CEL: variants seen among roughly 807,000 people sequenced by gnomAD.
CEL encodes the protein carboxyl ester lipase, also known as bile salt-activated lipase.
Under a neutral mutation model 57.1 loss-of-function variants are expected in CEL, and 39 were observed. The ratio of observed to expected loss-of-function variants is 0.68; its 90% confidence interval spans 0.53 to 0.89. The LOEUF (loss-of-function observed/expected upper bound fraction) is 0.89, where lower values mean the gene tolerates loss of function less well. Among genes scored for constraint, CEL ranks in the 40% least tolerant of loss-of-function variants. The probability of loss-of-function intolerance (pLI) is 0.00; values close to 1 mark genes in which losing one functional copy is unlikely to be tolerated. For missense variants in CEL, 698 were observed against 915.0 expected (o/e 0.76, Z 3.06); for synonymous variants, 314 against 396.6 (o/e 0.79, Z 2.48).
At chr9:133,070,688 G>A (rs1299290237) in intron 10 of CEL, 30 bp downstream of exon 10, 2 of 1,613,680 alleles carry the variant, frequency 1.2e-6, no homozygotes, top group African/African-American at 2.7e-5. Context: ...CAGGGCGGAG[G>A]GCCACAGCCG....
In CEL at chr9:133,071,598, G is replaced by C. The variant is rs1247728806; in HGVS notation, c.2096G>C (p.Gly699Ala). The change falls in exon 11 of 11, where the codon GGG becomes GCG. Residue 699 changes from glycine to alanine, a missense_variant. Around this residue, in one of 6 missense-constraint regions of CEL, gnomAD observed 238 missense variants for 213.7 expected, o/e 1.11. Transcript: ENST00000372080. ...CCCGTGCCGCCCACGGGTGACTCCG[G>C]GGCCCCCCCCGTGACCCCCACGGGT... ...APPVPPTGDS[G>A]APPVTPTGDS... 2.2e-6 allele frequency: 3 copies of C among 1,346,774 alleles called. No homozygotes were observed. Among genetic ancestry groups the C allele is most frequent in the Admixed American group, 2.2e-5 (1 of 44,682 alleles). The allele number at this position is 1,346,774 out of a possible 1,614,324, so 83.4% of individuals were successfully genotyped here.
At position 133,068,614 on chromosome 9, in the gene CEL, G is replaced by A. The variant is rs150986867; in HGVS notation, c.896-58G>A. On this transcript the variant is annotated intron_variant, in intron 7 of 10. Transcript: ENST00000372080. ...ATTCCAGCCCTGAGAGGCAAGGGGC[G>A]GCTCAGGGGAAACTGGGAGGTACAA... is the stretch of plus-strand genomic sequence containing the variant. 0.05 allele frequency: 80,606 copies of A among 1,605,442 alleles called. 1,619 individuals carry two copies. Among genetic ancestry groups the A allele is most frequent in the Non-Finnish European group, 0.058 (67,617 of 1,173,276 alleles).
At position 133,066,512 on chromosome 9, in the gene CEL, C is replaced by T. The variant is rs772396574; in HGVS notation, c.539-18C>T. The T allele has an allele frequency of 2.5e-6, 4 of 1,613,832 alleles. No homozygotes were observed. The South Asian group carries it at 3.3e-5, about 13-fold the overall frequency. On this transcript the variant is annotated intron_variant, in intron 4 of 10. Transcript: ENST00000372080. This position sits in a 1 kb window ranked among gnomAD's most constrained non-coding sequence, Gnocchi z 4.3. ...GGGCCACTGGTCTCTAGCACCCCCTCCCCTGCCCTGCCCCCAGGTAACTAT... is the reference window on the plus strand; with the variant it reads ...GGGCCACTGGTCTCTAGCACCCCCTTCCCTGCCCTGCCCCCAGGTAACTAT...
Position 133,071,274 on chromosome 9 carries a change from C to A in CEL, c.1772C>A (p.Pro591His), listed in dbSNP as rs1830263587. The A allele has an allele frequency of 1.3e-6, 2 of 1,487,246 alleles. No individual in the cohort carries two copies. The highest frequency in any genetic ancestry group is 1.2e-5 in the South Asian group (1 of 82,636). The allele number at this position is 1,487,246 out of a possible 1,614,324, so 92.1% of individuals were successfully genotyped here. A position where few individuals can be genotyped will look rare whatever the true frequency, so the allele number is the denominator to read the frequency against. ...CCGCCCACGGGTGACTCCGGGGCCC[C>A]CCCCGTGCCGCCCACGGGTGACTCC... is the stretch of plus-strand genomic sequence containing the variant. ...PVPPTGDSGA[P>H]PVPPTGDSGA... Residue 591 changes from proline (P) to histidine (H), a missense_variant, in exon 11 of 11, where the codon CCC becomes CAC. Coordinates refer to ENST00000372080, the MANE Select transcript of CEL (RefSeq NM_001807.6).
chr9:133,070,555 T>C lies in CEL; in HGVS notation c.1381T>C (p.Tyr461His), dbSNP rs763199808. 1.2e-6 allele frequency: 2 copies of C among 1,614,066 alleles called. No individual in the cohort carries two copies. The highest frequency in any genetic ancestry group is 4.5e-5 in the East Asian group (2 of 44,866). Residue 461 changes from tyrosine to histidine, a missense_variant, in exon 10 of 11, where the codon TAC (tyrosine) becomes CAC (histidine). Tyr to His is a moderately conservative substitution (Grantham distance 83). Transcript: ENST00000372080. ...GGCCGACCATGCAGATGACATTCAG[T>C]ACGTTTTCGGGAAGCCCTTCGCCAC... Reference protein sequence around the residue: ...VGADHADDIQYVFGKPFATPT... With the variant: ...VGADHADDIQHVFGKPFATPT...
In CEL at chr9:133,066,872, G is replaced by A. The variant is rs748131218; in HGVS notation, c.704G>A (p.Arg235Gln). 4.3e-6 allele frequency: 7 copies of A among 1,612,336 alleles called. No homozygotes were observed. Among genetic ancestry groups the A allele is most frequent in the East Asian group, 2.2e-5 (1 of 44,786 alleles). The change falls in exon 6 of 11, where the codon CGA becomes CAA. Residue 235 changes from arginine (R) to glutamine (Q), a missense_variant. Physicochemically the swap from Arg to Gln is conservative, Grantham distance 43. Coordinates refer to ENST00000372080, the MANE Select transcript of CEL (RefSeq NM_001807.6). The surrounding 1 kb of genome is among the most constrained non-coding windows in gnomAD (Gnocchi z 4.3). ...CCCTACAACAAGGGCCTCATCCGGC[G>A]AGCCATCAGCCAGAGCGGCGTGGCC... ...LSPYNKGLIR[R>Q]AISQSGVALS...
rs191051666 is a variant in CEL at position 133,065,795 on chromosome 9, G to A, written c.538+558G>A. On this transcript the variant is annotated intron_variant, in intron 4 of 10. Coordinates refer to ENST00000372080, the MANE Select transcript of CEL (RefSeq NM_001807.6). ...CAGGAGGCGGAGGTTGCGGTGAGCC[G>A]AGATCATGCCACTGCACTCCAGCCT... Among the ~76,000 whole-genome samples the A allele has an allele frequency of 5.0e-3, 734 of 146,436 alleles. 4 individuals are homozygous for A. The highest frequency in any genetic ancestry group is 0.014 in the South Asian group (65 of 4,716).
chr9:133,071,128 G>C lies in CEL; in HGVS notation c.1626G>C (p.Trp542Cys). ...RSLRTNFLRY[W>C]TLTYLALPTV... ...TGAGAACCAACTTCCTGCGCTACTG[G>C]ACCCTCACCTATCTGGCGCTGCCCA... is the stretch of plus-strand genomic sequence containing the variant. Residue 542 changes from tryptophan (W) to cysteine (C), a missense_variant, in exon 11 of 11, where the codon TGG becomes TGC. Trp to Cys is a radical substitution (Grantham distance 215). Transcript: ENST00000372080. 6.2e-7 allele frequency: 1 copy of C among 1,609,456 alleles called. No individual in the cohort carries two copies. The highest frequency in any genetic ancestry group is 8.5e-7 in the Non-Finnish European group (1 of 1,179,682).
Position 133,066,960 on chromosome 9 carries a change from G to C in CEL, c.777+15G>C. On this transcript the variant is annotated intron_variant, in intron 6 of 10. Transcript: ENST00000372080. This position sits in a 1 kb window ranked among gnomAD's most constrained non-coding sequence, Gnocchi z 4.3. ...GGGCCAAAAAGGTAAACGGAGGAGG[G>C]CAGGGCTGGGCGGGGTGGGGGCTGT... The C allele has an allele frequency of 2.1e-6, 3 of 1,400,588 alleles. No individual in the cohort carries two copies. Among genetic ancestry groups the C allele is most frequent in the Non-Finnish European group, 3.0e-6 (3 of 989,072 alleles). 86.8% of individuals were successfully genotyped at this position (1,400,588 alleles called of 1,614,324 possible). A position where few individuals can be genotyped will look rare whatever the true frequency, so the allele number is the denominator to read the frequency against.
rs781209116 is a variant in CEL at position 133,066,933 on chromosome 9, C to A, written c.765C>A (p.Phe255Leu). The A allele has an allele frequency of 8.0e-7, 1 of 1,243,562 alleles. No individual in the cohort carries two copies. Among genetic ancestry groups the A allele is most frequent in the South Asian group, 1.2e-5 (1 of 85,066 alleles). 77.0% of individuals were successfully genotyped at this position (1,243,562 alleles called of 1,614,324 possible). ...GGGTCATCCAGAAAAACCCACTCTT[C>A]TGGGCCAAAAAGGTAAACGGAGGAG... ...SPWVIQKNPL[F>L]WAKKVAEKVG... The change falls in exon 6 of 11, where the codon TTC (phenylalanine) becomes TTA (leucine). Residue 255 changes from phenylalanine (F) to leucine (L), a missense_variant. Phe to Leu is a conservative substitution (Grantham distance 22). This residue lies in a region of CEL where 327 missense variants were observed against 374.1 expected (regional missense o/e 0.87). Transcript: ENST00000372080. The surrounding 1 kb of genome is among the most constrained non-coding windows in gnomAD (Gnocchi z 4.3).
At chr9:133,064,841 G>T in intron 3 of CEL, 79 bp downstream of exon 3, 1 of 1,601,848 alleles carries the variant, frequency 6.2e-7, no homozygotes, top group Admixed American at 1.7e-5. Context: ...GAGTCTGGGG[G>T]CTGCAAAGCT....
In CEL at chr9:133,066,896, C is replaced by T. The variant is rs759227357; in HGVS notation, c.728C>T (p.Ala243Val). Residue 243 changes from alanine (A) to valine (V), a missense_variant, in exon 6 of 11, where the codon GCC becomes GTC. By Grantham distance (64) the Ala-to-Val change is moderately conservative. Transcript: ENST00000372080. The surrounding 1 kb of genome is among the most constrained non-coding windows in gnomAD (Gnocchi z 4.3). ...IRRAISQSGVALSPWVIQKNP... is the reference protein window; with the variant it reads ...IRRAISQSGVVLSPWVIQKNP... ...CGAGCCATCAGCCAGAGCGGCGTGG[C>T]CCTGAGTCCCTGGGTCATCCAGAAA... 18 of 1,613,602 alleles carry T rather than the reference C, an allele frequency of 1.1e-5. No individual in the cohort carries two copies. The highest frequency in any genetic ancestry group is 1.6e-4 in the Middle Eastern group (1 of 6,084).
chr9:133,065,174 G>C lies in CEL; in HGVS notation c.475G>C (p.Val159Leu), dbSNP rs1309841101. The change falls in exon 4 of 11, where the codon GTC becomes CTC. Residue 159 changes from valine to leucine, a missense_variant. Val to Leu is a conservative substitution (Grantham distance 32). This residue lies in a region of CEL where 327 missense variants were observed against 374.1 expected (regional missense o/e 0.87). Transcript: ENST00000372080. ...CGCCACACGCGGAAACGTCATCGTG[G>C]TCACCTTCAACTACCGTGTCGGCCC... ...EIATRGNVIVVTFNYRVGPLG... is the reference protein window; with the variant it reads ...EIATRGNVIVLTFNYRVGPLG... The C allele has an allele frequency of 1.2e-6, 2 of 1,613,734 alleles. No homozygotes were observed. Among genetic ancestry groups the C allele is most frequent in the Non-Finnish European group, 1.7e-6 (2 of 1,180,046 alleles).
chr9:133,067,372 G>A (rs1830197979), intron 7 of CEL, among the ~76,000 whole-genome samples, 167 bp downstream of exon 7: 1 of 152,006 alleles, frequency 6.6e-6, no homozygotes, highest in Admixed American at 6.6e-5. Context: ...GGGAGAGGGG[G>A]TGCCGTTTCT....
In CEL at chr9:133,071,154, C is replaced by T. The variant is rs1232363736; in HGVS notation, c.1652C>T (p.Thr551Ile). Reference sequence around the variant, plus strand: ...ACCCTCACCTATCTGGCGCTGCCCACAGTGACCGACCAGGAGGCCACCCCT... The same window carrying T: ...ACCCTCACCTATCTGGCGCTGCCCATAGTGACCGACCAGGAGGCCACCCCT... Reference protein sequence around the residue: ...YWTLTYLALPTVTDQEATPVP... With the variant: ...YWTLTYLALPIVTDQEATPVP... The change falls in exon 11 of 11, where the codon ACA (threonine) becomes ATA (isoleucine). Residue 551 changes from threonine (T) to isoleucine (I), a missense_variant. This residue lies in a region of CEL where 238 missense variants were observed against 213.7 expected (regional missense o/e 1.11). Coordinates refer to ENST00000372080, the MANE Select transcript of CEL (RefSeq NM_001807.6). 1 of 1,608,504 alleles carries T rather than the reference C, an allele frequency of 6.2e-7. No homozygotes were observed. The highest frequency in any genetic ancestry group is 2.2e-5 in the East Asian group (1 of 44,826).
At chr9:133,065,376 T>C (rs1417718514) in intron 4 of CEL, 139 bp downstream of exon 4, 1 of 978,436 alleles carries the variant, frequency 1.0e-6, no homozygotes. Flanking sequence ...AATCATGAGA[T>C]GCAGGAGGCC....
At chr9:133,065,015 G>T (rs1360012600) in intron 3 of CEL, 25 bp from the exon 4 acceptor site, 2 of 1,607,134 alleles carry the variant, frequency 1.2e-6, no homozygotes, top group South Asian at 1.1e-5. Flanking sequence ...GGCGTCTGGG[G>T]TCACCAGCCG....
intron 9 of CEL, among the ~76,000 whole-genome samples, chr9:133,069,555 T>C (rs1037640981): frequency 6.6e-6 from 1 of 152,070 alleles, no homozygotes; most frequent in East Asian, 1.9e-4. Context: ...TCCCCCATGC[T>C]GTGTGCACTG....
At chr9:133,064,382 C>A in intron 1 of CEL, 22 bp from the exon 2 acceptor site, 1 of 1,613,026 alleles carries the variant, frequency 6.2e-7, no homozygotes. Context: ...CCCCCCTGAC[C>A]CTGCCCGTGT....
Sources: gnomAD v4.1 joint callset for allele counts (sites outside exome capture counted in the v4.1 genomes callset) on GRCh38, gnomAD v4.1.1 for gene constraint, gnomAD v4.1.1 regional missense constraint, Gnocchi (gnomAD v3.1) non-coding constraint, MANE v1.5 for transcripts, NCBI Gene and HGNC (gene_info 2026-07-23, HGNC 2026-07-21) for gene names.